The following CDH13 variants were observed in gnomAD, a reference collection of about 807,000 sequenced individuals.
CDH13 encodes cadherin 13.
CDH13 carries 24 observed loss-of-function variants against 63.8 expected under a neutral mutation model. That is an observed-to-expected ratio of 0.38 (90% confidence interval 0.27 to 0.53). The LOEUF (loss-of-function observed/expected upper bound fraction) is 0.53. Ranked by LOEUF, CDH13 falls within the 20% of genes least tolerant of loss-of-function variation. The pLI, the probability that CDH13 is intolerant of heterozygous loss-of-function variation, is 0.85. For missense variants in CDH13, 1,049 were observed against 903.1 expected, an observed-to-expected ratio of 1.16 and a Z score of -2.07; for synonymous variants, 503 against 355.3, an observed-to-expected ratio of 1.42 and a Z score of -4.67.
intron 7 of CDH13, among the ~76,000 whole-genome samples, chr16:83,596,911 A>G (rs1907315992): frequency 6.6e-6 from 1 of 152,186 alleles, no homozygotes; most frequent in Non-Finnish European, 1.5e-5. Context: ...AACTTTTTAT[A>G]TTAGAATTGC....
intron 1 of CDH13, among the ~76,000 whole-genome samples, chr16:82,661,126 C>T (rs1193460053): frequency 1.3e-5 from 2 of 152,292 alleles, no homozygotes; most frequent in Admixed American, 6.5e-5. Flanking sequence ...AGGGATACAG[C>T]TGTCCGTTTC....
chr16:83,240,662 T>G (rs1271512456), intron 5 of CDH13, among the ~76,000 whole-genome samples: 1 of 55,538 alleles, frequency 1.8e-5, no homozygotes, highest in Non-Finnish European at 3.3e-5. Flanking sequence ...TATTTCAACT[T>G]TTTTAAATAG....
chr16:83,731,258 T>C (rs1911013502), intron 10 of CDH13, among the ~76,000 whole-genome samples: 1 of 152,260 alleles, frequency 6.6e-6, no homozygotes, highest in Admixed American at 6.5e-5. Flanking sequence ...GGACAGGGGC[T>C]GAACTGATTT....
chr16:83,024,651 G>A (rs145325748), intron 2 of CDH13, among the ~76,000 whole-genome samples: 96 of 152,274 alleles, frequency 6.3e-4, no homozygotes, highest in Non-Finnish European at 1.0e-3. Flanking sequence ...TGAAGAAGAC[G>A]ACATGAAGAT....
intron 10 of CDH13, among the ~76,000 whole-genome samples, chr16:83,738,445 C>T (rs1436934454): frequency 1.3e-5 from 2 of 152,120 alleles, no homozygotes; most frequent in East Asian, 1.9e-4. Context: ...TTTCTTTTTT[C>T]TCCTCCGTAT....
intron 8 of CDH13, among the ~76,000 whole-genome samples, chr16:83,633,617 G>C (rs893266736): frequency 1.3e-5 from 2 of 152,166 alleles, no homozygotes; most frequent in Non-Finnish European, 2.9e-5. Flanking sequence ...CTTACTCGGA[G>C]AGAAAATGGT....
intron 6 of CDH13, among the ~76,000 whole-genome samples, chr16:83,479,973 G>T (rs761990926): frequency 2.0e-5 from 3 of 152,190 alleles, no homozygotes; most frequent in Non-Finnish European, 2.9e-5. Context: ...AAGAGGCTCA[G>T]AGAGCATTGA....
chr16:82,785,501 T>C (rs2035961361), intron 1 of CDH13, among the ~76,000 whole-genome samples: 1 of 152,178 alleles, frequency 6.6e-6, no homozygotes. Flanking sequence ...CAGCAGGCAG[T>C]TCTAATGCCG....
intron 1 of CDH13, among the ~76,000 whole-genome samples, chr16:82,700,841 C>T (rs2030896577): frequency 6.6e-6 from 1 of 151,430 alleles, no homozygotes; most frequent in Non-Finnish European, 1.5e-5. Flanking sequence ...AGCCGCTATC[C>T]CAAATGATTA....
intron 6 of CDH13, among the ~76,000 whole-genome samples, chr16:83,443,706 A>G (rs2072553773): frequency 1.1e-5 from 1 of 92,122 alleles, no homozygotes; most frequent in Non-Finnish European, 1.9e-5. Context: ...AGTCCCTACG[A>G]AAAAAAAAAA....
intron 5 of CDH13, among the ~76,000 whole-genome samples, chr16:83,338,482 A>G (rs1472343164): frequency 3.3e-5 from 5 of 152,232 alleles, no homozygotes. Flanking sequence ...AGGCTTCAGG[A>G]TTTGCTAATA....
chr16:82,884,199 C>A (rs1420090027), intron 2 of CDH13: 2 of 455,926 alleles, frequency 4.4e-6, no homozygotes, highest in South Asian at 3.1e-5. Flanking sequence ...ATTCTACTAG[C>A]TGACAGACTT....
chr16:83,499,647 A>C (rs936599017), intron 7 of CDH13, among the ~76,000 whole-genome samples: 2 of 152,242 alleles, frequency 1.3e-5, no homozygotes, highest in African/African-American at 4.8e-5. Flanking sequence ...AAATCACAGT[A>C]ATGCCTCTCT....
intron 3 of CDH13, among the ~76,000 whole-genome samples, chr16:83,095,603 C>T (rs966477036): frequency 1.3e-5 from 2 of 152,136 alleles, no homozygotes; most frequent in African/African-American, 4.8e-5. Context: ...TATTTGGGTA[C>T]AGAACACCTC....
At chr16:82,742,478 A>G (rs1268173804) in intron 1 of CDH13, among the ~76,000 whole-genome samples, 1 of 152,178 alleles carries the variant, frequency 6.6e-6, no homozygotes, top group Non-Finnish European at 1.5e-5. Flanking sequence ...GATTATGTAT[A>G]GCTCTTTATG....
chr16:83,229,301 G>T (rs1471528737), intron 5 of CDH13, among the ~76,000 whole-genome samples: 1 of 152,188 alleles, frequency 6.6e-6, no homozygotes, highest in Non-Finnish European at 1.5e-5. Context: ...AGAGATCAAA[G>T]AGAAAACTTT....
intron 8 of CDH13, among the ~76,000 whole-genome samples, chr16:83,626,205 G>T (rs569756536): frequency 6.6e-6 from 1 of 151,982 alleles, no homozygotes; most frequent in Non-Finnish European, 1.5e-5. Context: ...TGATTTTGCC[G>T]TACCGCGTGT....
chr16:83,619,892 A>C (rs73591708), intron 8 of CDH13, among the ~76,000 whole-genome samples: 1 of 152,130 alleles, frequency 6.6e-6, no homozygotes. Context: ...GAGGATGCAG[A>C]TGGAAGCGTC....
chr16:82,854,784 C>T (rs1238315273), intron 1 of CDH13, among the ~76,000 whole-genome samples: 2 of 152,290 alleles, frequency 1.3e-5, no homozygotes, highest in African/African-American at 4.8e-5. Context: ...CTATATTTTC[C>T]TTTCCAGTTA....
Sources: gnomAD v4.1 joint callset for allele counts (sites outside exome capture counted in the v4.1 genomes callset) on GRCh38, gnomAD v4.1.1 for gene constraint, MANE v1.5 for transcripts, NCBI Gene and HGNC (gene_info 2026-07-23, HGNC 2026-07-21) for gene names.